The following RYR3 variants were observed in gnomAD, a reference collection of about 807,000 sequenced individuals.
RYR3 encodes the protein brain ryanodine receptor-calcium release channel.
In RYR3, 207 loss-of-function variants were observed where a neutral mutation model predicts 584.3. That is an observed-to-expected ratio of 0.35 (90% CI 0.32 to 0.40). The LOEUF is 0.40. RYR3 is among the 10% of genes least tolerant of loss of function. RYR3 has a pLI of 1.00. For missense variants in RYR3, 5,616 were observed against 6,089.2 expected, an observed-to-expected ratio of 0.92 and a Z score of 2.59; for synonymous variants, 2,416 against 2,248.5, an observed-to-expected ratio of 1.07 and a Z score of -2.11.
At chr15:33,493,707 C>A (rs1165354981) in intron 2 of RYR3, among the ~76,000 whole-genome samples, 2 of 152,176 alleles carry the variant, frequency 1.3e-5, no homozygotes, top group Non-Finnish European at 2.9e-5. Flanking sequence ...TTTCTTGGCT[C>A]ACCGTATTTC....
At chr15:33,333,717 T>G (rs1331751432) in intron 1 of RYR3, among the ~76,000 whole-genome samples, 1 of 152,242 alleles carries the variant, frequency 6.6e-6, no homozygotes, top group Non-Finnish European at 1.5e-5. Context: ...GAGAAAGAAA[T>G]AAAGGGCATT....
chr15:33,754,949 C>T (rs960692724), intron 57 of RYR3, 116 bp from the exon 58 acceptor site: 107 of 648,966 alleles, frequency 1.6e-4, no homozygotes, highest in Non-Finnish European at 2.3e-4. Flanking sequence ...CATGTCACTA[C>T]GCCAGAATAA....
chr15:33,707,580 A>G, intron 43 of RYR3, among the ~76,000 whole-genome samples: 1 of 152,238 alleles, frequency 6.6e-6, no homozygotes, highest in Non-Finnish European at 1.5e-5. Flanking sequence ...CAACACAACC[A>G]GAATTCTTTA....
chr15:33,332,264 T>G (rs934675560), intron 1 of RYR3, among the ~76,000 whole-genome samples: 4 of 152,110 alleles, frequency 2.6e-5, no homozygotes, highest in African/African-American at 9.7e-5. Flanking sequence ...AGTGCTTATC[T>G]TTGTAAGTAG....
chr15:33,733,543 A>G (rs978586229), intron 48 of RYR3, among the ~76,000 whole-genome samples: 2 of 152,208 alleles, frequency 1.3e-5, no homozygotes, highest in Non-Finnish European at 2.9e-5. Context: ...TTTCCGGAAA[A>G]GGCAAAGCTA....
chr15:33,323,248 A>G (rs1969236903), intron 1 of RYR3, among the ~76,000 whole-genome samples: 1 of 151,958 alleles, frequency 6.6e-6, no homozygotes, highest in African/African-American at 2.4e-5. Flanking sequence ...AGTAGCTGGG[A>G]CTACAGGCAC....
At chr15:33,695,555 C>A (rs1168522699) in intron 38 of RYR3, among the ~76,000 whole-genome samples, 1 of 151,808 alleles carries the variant, frequency 6.6e-6, no homozygotes, top group African/African-American at 2.4e-5. Flanking sequence ...AGATCCAGTG[C>A]AAAAAAAGGC....
chr15:33,700,925 A>G (rs1566979085), intron 41 of RYR3, 52 bp from the exon 42 acceptor site: 2 of 1,345,950 alleles, frequency 1.5e-6, no homozygotes, highest in Admixed American at 1.9e-5. Context: ...TCAGCTCAGC[A>G]CTGAGTGTCT....
intron 33 of RYR3, 131 bp from the exon 34 acceptor site, chr15:33,660,066 G>GT (rs1299825789): frequency 7.4e-5 from 50 of 671,960 alleles, no homozygotes; most frequent in Non-Finnish European, 1.2e-4. Context: ...ATTAATGCTG[G>GT]TAAAGCCCTT....
chr15:33,722,999 T>C (rs2068064146), intron 44 of RYR3, 104 bp downstream of exon 44: 2 of 1,038,872 alleles, frequency 1.9e-6, no homozygotes, highest in East Asian at 2.5e-5. Flanking sequence ...CACATGTTCT[T>C]AACAGTTACA....
intron 42 of RYR3, among the ~76,000 whole-genome samples, chr15:33,704,468 C>T (rs1210988869): frequency 2.0e-5 from 3 of 152,248 alleles, no homozygotes; most frequent in South Asian, 4.1e-4. Context: ...CCAGCCACCT[C>T]CTGCATACAC....
In RYR3 at chr15:33,816,933, A is replaced by C. The variant is rs1567232388; in HGVS notation, c.10574A>C (p.Glu3525Ala). The C allele has an allele frequency of 6.2e-7, 1 of 1,609,522 alleles. No individual in the cohort carries two copies. Among genetic ancestry groups the C allele is most frequent in the Non-Finnish European group, 8.5e-7 (1 of 1,177,056 alleles). ...ATAGAAACAGAGGAGTATTCCTTTG[A>C]AGAGAAACTAGTACAGGATTTGGCT... ...FWIETEEYSFEEKLVQDLAKS... is the reference protein window; with the variant it reads ...FWIETEEYSFAEKLVQDLAKS... The change falls in exon 75 of 104, where the codon GAA becomes GCA. Residue 3525 changes from glutamate (E) to alanine (A), a missense_variant. Physicochemically the swap from Glu to Ala is moderately radical, Grantham distance 107. Transcript: ENST00000634891.
rs114994602 is a variant in RYR3, at chr15:33,364,781, A to C, written c.51+53685A>C. On this transcript the variant is annotated intron_variant, in intron 1 of 103. Coordinates refer to ENST00000634891, the MANE Select transcript of RYR3 (RefSeq NM_001036.6). ...AACGTTCATCAAAACAAAAGGAAAG[A>C]TGACAAGGCAGAAGAACCTTAGATT... Among the ~76,000 whole-genome samples the C allele has an allele frequency of 9.0e-3, 1,378 of 152,350 alleles. 28 individuals carry two copies. The highest frequency in any genetic ancestry group is 0.031 in the African/African-American group (1,307 of 41,576).
At position 33,644,340 on chromosome 15, in the gene RYR3, T is replaced by C; in HGVS notation, c.3586T>C (p.Ser1196Pro). Residue 1196 changes from serine to proline, a missense_variant, in exon 28 of 104, where the codon TCT (serine) becomes CCT (proline). Ser to Pro is a moderately conservative substitution (Grantham distance 74). Around this residue, in one of 9 missense-constraint regions of RYR3, gnomAD observed 152 missense variants for 200.9 expected, o/e 0.76. Coordinates refer to ENST00000634891, the MANE Select transcript of RYR3 (RefSeq NM_001036.6). The stretch of plus-strand genomic sequence containing the variant: ...CGTGCCCATCTGCTGTCTGGGTCTA[T>C]CTCAGATCGGCCGCATGAATCTCGG... ...GFVPICCLGL[S>P]QIGRMNLGTD... is the part of the protein sequence containing the mutation. 1 of 1,612,580 alleles carries C rather than the reference T, an allele frequency of 6.2e-7. No individual in the cohort carries two copies. The highest frequency in any genetic ancestry group is 8.5e-7 in the Non-Finnish European group (1 of 1,179,412).
intron 28 of RYR3, 101 bp downstream of exon 28, chr15:33,644,620 A>G (rs2061997439): frequency 2.4e-6 from 2 of 845,190 alleles, no homozygotes; most frequent in Non-Finnish European, 3.8e-6. Context: ...ACCTAAGTCT[A>G]TGCCCTGGCC....
At chr15:33,554,245 A>G (rs2056902068) in intron 10 of RYR3, among the ~76,000 whole-genome samples, 2 of 151,494 alleles carry the variant, frequency 1.3e-5, no homozygotes, top group Admixed American at 1.3e-4. Flanking sequence ...CAGTGTGGTC[A>G]TACCTTGAAA....
At chr15:33,376,140 G>A (rs748389870) in intron 1 of RYR3, among the ~76,000 whole-genome samples, 10 of 152,066 alleles carry the variant, frequency 6.6e-5, no homozygotes, top group East Asian at 3.9e-4. Context: ...TCTTCTCCCC[G>A]CCCCAGAGAC....
intron 19 of RYR3, 34 bp from the exon 20 acceptor site, chr15:33,623,773 T>TA: frequency 1.4e-6 from 2 of 1,426,052 alleles, no homozygotes; most frequent in Non-Finnish European, 2.0e-6. Flanking sequence ...GTTTTTTTTT[T>TA]AACCTCTGTA....
In RYR3 at chr15:33,671,009, G is replaced by A. The variant is rs1028666600; in HGVS notation, c.5860+453G>A. 2.6e-5 allele frequency among the ~76,000 whole-genome samples: 4 copies of A among 152,020 alleles called. No individual in the cohort carries two copies. The South Asian group carries it at 8.3e-4, about 32-fold the overall frequency. ...AAGGATATAGGATATGAGTTTGGGG[G>A]GGTTGTTTTTGGATTTGGGGTATGA... On this transcript the variant is annotated intron_variant, in intron 38 of 103. Transcript: ENST00000634891.
Sources: allele counts gnomAD v4.1 joint callset (sites outside exome capture counted in the v4.1 genomes callset), GRCh38; gene constraint gnomAD v4.1.1; regional missense constraint gnomAD v4.1.1; transcripts MANE v1.5; gene names NCBI Gene and HGNC (gene_info 2026-07-23, HGNC 2026-07-21).